The following WWOX variants were observed in gnomAD, a reference collection of about 807,000 sequenced individuals.
WWOX encodes the protein WW domain-containing oxidoreductase.
Under a neutral mutation model 46.2 loss-of-function variants are expected in WWOX, and 69 were observed. The ratio of observed to expected loss-of-function variants is 1.49; its 90% CI spans 1.23 to 1.82. The LOEUF (loss-of-function observed/expected upper bound fraction) is 1.82. Among genes scored for constraint, WWOX ranks in the 40% most tolerant of loss-of-function variants. The probability of loss-of-function intolerance (pLI) is 0.00; values close to 1 mark genes in which losing one functional copy is unlikely to be tolerated. For synonymous variants in WWOX, 359 were observed against 202.6 expected (o/e 1.77, Z -6.56); for missense variants, 919 against 542.6 (o/e 1.69, Z -6.89).
At chr16:78,815,911 T>G (rs968633218) in intron 8 of WWOX, among the ~76,000 whole-genome samples, 2 of 152,256 alleles carry the variant, frequency 1.3e-5, no homozygotes, top group South Asian at 2.1e-4. Context: ...TCAGAGGTTC[T>G]CTCCCCAACC....
intron 8 of WWOX, among the ~76,000 whole-genome samples, chr16:78,761,428 G>A (rs1053760327): frequency 1.2e-4 from 19 of 152,020 alleles, no homozygotes; most frequent in African/African-American, 3.4e-4. Flanking sequence ...GTGCCCTCTC[G>A]GTTCCCAGAC....
At chr16:79,090,657 T>G (rs865953939) in intron 8 of WWOX, among the ~76,000 whole-genome samples, 38 of 152,074 alleles carry the variant, frequency 2.5e-4, no homozygotes, top group African/African-American at 9.2e-4. Flanking sequence ...TCCGAAGAGG[T>G]GCAGGGTGCA....
intron 8 of WWOX, among the ~76,000 whole-genome samples, chr16:78,721,545 T>C (rs1597491316): frequency 6.6e-6 from 1 of 152,174 alleles, no homozygotes; most frequent in African/African-American, 2.4e-5. Context: ...TGCTCTTCTT[T>C]AGAAGTCATC....
intron 8 of WWOX, among the ~76,000 whole-genome samples, chr16:79,062,726 A>G (rs1409884370): frequency 1.3e-5 from 2 of 152,056 alleles, no homozygotes; most frequent in Admixed American, 6.5e-5. Context: ...CAGCCTGAGG[A>G]GGAAGGTGGC....
rs920936223 is a variant in WWOX at position 78,613,109 on chromosome 16, C to G, written c.1056+180357C>G. Among the ~76,000 whole-genome samples, 3 of 152,130 alleles carry G rather than the reference C, an allele frequency of 2.0e-5. No individual in the cohort carries two copies. In the East Asian group the frequency reaches 5.8e-4, roughly 29 times the overall value. On this transcript the variant is annotated intron_variant, in intron 8 of 8. Transcript: ENST00000566780. The stretch of plus-strand genomic sequence containing the variant: ...TGGTTTCTGCCCTCAGCTTCTCTTG[C>G]ATGGGGCCTTCCTGCTTGCTCCTCT...
chr16:78,785,213 C>T (rs967991219), intron 8 of WWOX, among the ~76,000 whole-genome samples: 3 of 152,204 alleles, frequency 2.0e-5, no homozygotes, highest in African/African-American at 2.4e-5. Context: ...TGCTAGCAGG[C>T]GCTCTCAGCA....
At chr16:78,477,276 T>C (rs1468932528) in intron 8 of WWOX, among the ~76,000 whole-genome samples, 1 of 152,198 alleles carries the variant, frequency 6.6e-6, no homozygotes, top group African/African-American at 2.4e-5. Flanking sequence ...TGATTTTTAA[T>C]ATGAAAAGCT....
intron 5 of WWOX, among the ~76,000 whole-genome samples, chr16:78,345,669 A>C (rs972576150): frequency 1.8e-5 from 2 of 108,626 alleles, no homozygotes; most frequent in East Asian, 3.9e-4. Context: ...AAAAAGTAAA[A>C]TAAAGCATGG....
chr16:78,337,012 C>G (rs1232773410), intron 5 of WWOX, among the ~76,000 whole-genome samples: 1 of 152,088 alleles, frequency 6.6e-6, no homozygotes, highest in Non-Finnish European at 1.5e-5. Context: ...AACTCCTGAC[C>G]TCACGTGATC....
intron 8 of WWOX, among the ~76,000 whole-genome samples, chr16:78,755,343 G>C (rs1341918316): frequency 1.3e-5 from 2 of 152,168 alleles, no homozygotes; most frequent in East Asian, 3.9e-4. Flanking sequence ...AGGCAATATA[G>C]AAAATGCAGT....
At chr16:78,154,045 G>A (rs761365745) in intron 4 of WWOX, among the ~76,000 whole-genome samples, 5 of 152,212 alleles carry the variant, frequency 3.3e-5, no homozygotes, top group Non-Finnish European at 5.9e-5. Context: ...TGCCTGCTCC[G>A]ATGCTCTCCA....
At chr16:78,116,074 G>C (rs1481002388) in intron 4 of WWOX, among the ~76,000 whole-genome samples, 3 of 152,112 alleles carry the variant, frequency 2.0e-5, no homozygotes, top group South Asian at 2.1e-4. Context: ...TTGATACAGG[G>C]ATGCAATGTG....
At chr16:78,389,465 T>A (rs2082132442) in intron 6 of WWOX, among the ~76,000 whole-genome samples, 4 of 152,112 alleles carry the variant, frequency 2.6e-5, no homozygotes, top group South Asian at 4.1e-4. Flanking sequence ...TGTGGTTGTT[T>A]GGGAGGGAAT....
intron 8 of WWOX, among the ~76,000 whole-genome samples, chr16:79,167,537 G>T (rs2050618682): frequency 1.3e-5 from 2 of 152,194 alleles, no homozygotes; most frequent in Admixed American, 1.3e-4. Context: ...TTTGCTTCCA[G>T]AGTCTCCTGG....
chr16:78,205,126 C>T (rs980072261), intron 5 of WWOX, among the ~76,000 whole-genome samples: 15 of 152,098 alleles, frequency 9.9e-5, no homozygotes, highest in African/African-American at 3.6e-4. Flanking sequence ...TTAAAGAACT[C>T]TGTGGTGAGC....
intron 8 of WWOX, among the ~76,000 whole-genome samples, chr16:78,888,100 A>C (rs925723230): frequency 5.3e-5 from 8 of 152,204 alleles, no homozygotes; most frequent in Non-Finnish European, 7.3e-5. Context: ...CATCTTTGTG[A>C]AATCAACTTT....
chr16:78,803,335 C>T (rs188728957), intron 8 of WWOX, among the ~76,000 whole-genome samples: 2 of 151,894 alleles, frequency 1.3e-5, no homozygotes, highest in African/African-American at 4.8e-5. Context: ...AGTCTATAGT[C>T]AAATTGCTCT....
intron 8 of WWOX, among the ~76,000 whole-genome samples, chr16:78,559,639 C>T (rs74029564): frequency 0.032 from 4,836 of 152,274 alleles, 233 homozygotes; most frequent in African/African-American, 0.1. Context: ...TTTTCCTGTG[C>T]ATATATTTTT....
intron 8 of WWOX, among the ~76,000 whole-genome samples, chr16:78,911,168 C>T (rs7192748): frequency 0.31 from 47,165 of 151,650 alleles, 8,650 homozygotes; most frequent in Non-Finnish European, 0.42. Flanking sequence ...GGAAGGTGGC[C>T]CTCCACCACA....
Sources: allele counts gnomAD v4.1 joint callset (sites outside exome capture counted in the v4.1 genomes callset), GRCh38; gene constraint gnomAD v4.1.1; transcripts MANE v1.5; gene names NCBI Gene and HGNC (gene_info 2026-07-23, HGNC 2026-07-21).